Variants in SLC14A2 observed in about 807,000 individuals in gnomAD.
The protein encoded by SLC14A2 is solute carrier family 14 member 2, also known as urea transporter 2.
In SLC14A2, 91 loss-of-function variants were observed where a neutral mutation model predicts 104.6. The observed-to-expected ratio is 0.87, with a 90% CI of 0.73 to 1.04. The LOEUF (loss-of-function observed/expected upper bound fraction) is 1.04, where lower values mean the gene tolerates loss of function less well. Ranked by LOEUF, SLC14A2 falls within the 50% of genes least tolerant of loss-of-function variation. The probability of loss-of-function intolerance (pLI) is 0.00; values close to 1 mark genes in which losing one functional copy is unlikely to be tolerated. For synonymous variants in SLC14A2, 476 were observed against 466.4 expected (o/e 1.02, Z -0.27); for missense variants, 1,189 against 1,156.0 (o/e 1.03, Z -0.41).
intron 1 of SLC14A2, among the ~76,000 whole-genome samples, chr18:45,253,632 T>C (rs540735144): frequency 6.6e-6 from 1 of 152,134 alleles, no homozygotes; most frequent in South Asian, 2.1e-4. Flanking sequence ...AGGATTAAAT[T>C]TTCATTTAAT....
intron 1 of SLC14A2, among the ~76,000 whole-genome samples, chr18:45,336,737 A>C (rs932891196): frequency 2.6e-5 from 4 of 152,190 alleles, no homozygotes; most frequent in Non-Finnish European, 5.9e-5. Flanking sequence ...ATAACTGCCT[A>C]TGATGGCTCC....
intron 1 of SLC14A2, among the ~76,000 whole-genome samples, chr18:45,619,256 G>A (rs193095805): frequency 6.6e-6 from 1 of 152,364 alleles, no homozygotes; most frequent in East Asian, 1.9e-4. Flanking sequence ...AGGGCTGGGA[G>A]GGCAGGGCAG....
chr18:45,519,101 T>C (rs2043481447), intron 2 of SLC14A2, among the ~76,000 whole-genome samples: 1 of 152,042 alleles, frequency 6.6e-6, no homozygotes, highest in Non-Finnish European at 1.5e-5. Context: ...ACTAAAATAA[T>C]ACCAGGAGGA....
intron 1 of SLC14A2, among the ~76,000 whole-genome samples, chr18:45,260,807 G>A (rs1354702599): frequency 1.3e-5 from 2 of 152,040 alleles, no homozygotes; most frequent in Non-Finnish European, 2.9e-5. Flanking sequence ...TGGTCATAAT[G>A]ATGGTAACAA....
intron 2 of SLC14A2, among the ~76,000 whole-genome samples, chr18:45,513,762 G>T (rs1335881897): frequency 1.3e-5 from 2 of 152,190 alleles, no homozygotes; most frequent in Admixed American, 6.5e-5. Context: ...TATCTCTGGG[G>T]TGACCTGAGG....
chr18:45,278,918 G>C (rs1229208808), intron 1 of SLC14A2, among the ~76,000 whole-genome samples: 1 of 152,146 alleles, frequency 6.6e-6, no homozygotes, highest in African/African-American at 2.4e-5. Flanking sequence ...TATGGGAGGC[G>C]TGATGTAAAA....
chr18:45,666,182 T>C lies in SLC14A2; in HGVS notation c.1520T>C (p.Phe507Ser), dbSNP rs747601292. Residue 507 changes from phenylalanine to serine, a missense_variant, in exon 12 of 20, where the codon TTT (phenylalanine) becomes TCT (serine). Transcript: ENST00000255226. ...CAGGAAAGACAAAACAAAGACCCAT[T>C]TCCCTATCGATACCGGAAGCCCACA... Reference protein sequence around the residue: ...EHQERQNKDPFPYRYRKPTVE... With the variant: ...EHQERQNKDPSPYRYRKPTVE... The C allele has an allele frequency of 4.3e-6, 7 of 1,613,828 alleles. No individual in the cohort carries two copies. The Admixed American group carries it at 1.0e-4, about 23-fold the overall frequency.
At chr18:45,473,188 G>A (rs567404066) in intron 1 of SLC14A2, among the ~76,000 whole-genome samples, 1 of 152,176 alleles carries the variant, frequency 6.6e-6, no homozygotes, top group Non-Finnish European at 1.5e-5. Context: ...GATGGTTGTA[G>A]ATGTGTGGCA....
At chr18:45,283,579 T>C (rs979411452) in intron 1 of SLC14A2, among the ~76,000 whole-genome samples, 16 of 152,250 alleles carry the variant, frequency 1.1e-4, no homozygotes, top group African/African-American at 3.9e-4. Context: ...ATTAATATGA[T>C]GTGTGAAACA....
chr18:45,234,781 C>A (rs1232468814), intron 1 of SLC14A2, among the ~76,000 whole-genome samples: 1 of 152,176 alleles, frequency 6.6e-6, no homozygotes, highest in Non-Finnish European at 1.5e-5. Flanking sequence ...TAGAACCAAA[C>A]TCTATTTCTA....
intron 19 of SLC14A2, among the ~76,000 whole-genome samples, chr18:45,679,960 G>C (rs1028106800): frequency 6.6e-6 from 1 of 152,168 alleles, no homozygotes; most frequent in Non-Finnish European, 1.5e-5. Flanking sequence ...CCTTGGAACA[G>C]GGACCTCATC....
chr18:45,368,398 T>G (rs1161186614), intron 1 of SLC14A2, among the ~76,000 whole-genome samples: 1 of 152,196 alleles, frequency 6.6e-6, no homozygotes, highest in Non-Finnish European at 1.5e-5. Context: ...TCAGAAACTC[T>G]GGTCCCTTAG....
At chr18:45,381,246 C>T (rs1003607450) in intron 1 of SLC14A2, among the ~76,000 whole-genome samples, 12 of 152,242 alleles carry the variant, frequency 7.9e-5, no homozygotes, top group African/African-American at 2.4e-4. Context: ...AATCCACCAT[C>T]TCACACAATG....
chr18:45,307,033 C>T (rs892423956), intron 1 of SLC14A2, among the ~76,000 whole-genome samples: 1 of 152,144 alleles, frequency 6.6e-6, no homozygotes, highest in African/African-American at 2.4e-5. Flanking sequence ...ACTCTTGCCT[C>T]GGTTATCATA....
chr18:45,467,316 AT>A (rs2087162613), intron 1 of SLC14A2, among the ~76,000 whole-genome samples: 1 of 152,168 alleles, frequency 6.6e-6, no homozygotes, highest in Admixed American at 6.5e-5. Flanking sequence ...AGTATCACCC[AT>A]CCCTCAATCC....
chr18:45,333,093 C>T (rs1428092377), intron 1 of SLC14A2, among the ~76,000 whole-genome samples: 1 of 152,082 alleles, frequency 6.6e-6, no homozygotes, highest in Non-Finnish European at 1.5e-5. Flanking sequence ...TTTCTCTTTG[C>T]TAATAATAGA....
chr18:45,585,305 A>G (rs568392060), intron 2 of SLC14A2, among the ~76,000 whole-genome samples: 6 of 151,874 alleles, frequency 4.0e-5, no homozygotes, highest in Non-Finnish European at 8.8e-5. Flanking sequence ...AGCAGTTATC[A>G]CCTCCCTAGC....
intron 1 of SLC14A2, among the ~76,000 whole-genome samples, chr18:45,364,712 C>A (rs74686669): frequency 6.6e-6 from 1 of 152,026 alleles, no homozygotes; most frequent in Non-Finnish European, 1.5e-5. Context: ...GGGGAATGCA[C>A]GTTTTAGAAT....
rs530800942 is a variant in SLC14A2 at position 45,678,958 on chromosome 18, T to C, written c.2513-17T>C. The C allele has an allele frequency of 1.7e-5, 27 of 1,556,234 alleles. No homozygotes were observed. In the East Asian group the frequency reaches 3.2e-4, roughly 18 times the overall value. ...TAGTTACTGGTCTATTTCTTTCTTT[T>C]TTTTTTTTTTTTCTAGCACTGTTTG... On this transcript the variant is annotated splice_polypyrimidine_tract_variant and intron_variant, in intron 18 of 19. Transcript: ENST00000255226.
Sources: allele counts gnomAD v4.1 joint callset (sites outside exome capture counted in the v4.1 genomes callset), GRCh38; gene constraint gnomAD v4.1.1; transcripts MANE v1.5; gene names NCBI Gene and HGNC (gene_info 2026-07-23, HGNC 2026-07-21).